Variants in PLAGL1 observed in about 807,000 individuals in gnomAD.
PLAGL1 encodes PLAG1 like zinc finger 1, also known as zinc finger protein PLAGL1.
Under a neutral mutation model 4.6 loss-of-function variants are expected in PLAGL1, and 1 was observed. The ratio of observed to expected loss-of-function variants is 0.22; its 90% CI spans 0.08 to 1.03. PLAGL1 has a LOEUF of 1.03. Ranked by LOEUF, PLAGL1 falls within the 50% of genes least tolerant of loss-of-function variation. The pLI is 0.58. For missense variants in PLAGL1, 464 were observed against 570.4 expected, an observed-to-expected ratio of 0.81 and a Z score of 1.90; for synonymous variants, 240 against 237.8, an observed-to-expected ratio of 1.01 and a Z score of -0.08.
chr6:144,031,297 G>A (rs1338697779), intron 1 of PLAGL1, among the ~76,000 whole-genome samples: 2 of 152,178 alleles, frequency 1.3e-5, no homozygotes, highest in African/African-American at 4.8e-5. Flanking sequence ...CACTCTGTGG[G>A]TTGTCTGTCA....
intron 1 of PLAGL1, among the ~76,000 whole-genome samples, chr6:144,046,394 T>C (rs1221166437): frequency 1.3e-5 from 2 of 152,232 alleles, no homozygotes; most frequent in Admixed American, 6.5e-5. Context: ...TTTGTTAATG[T>C]TGATACTATT....
intron 1 of PLAGL1, among the ~76,000 whole-genome samples, chr6:144,002,513 TAAAAACAAAAAC>T (rs753500510): frequency 2.0e-5 from 3 of 151,970 alleles, no homozygotes; most frequent in African/African-American, 7.2e-5. Flanking sequence ...GACAGCACAT[TAAAAACAAAAAC>T]AAAAACAAAA....
rs1323640518 is a variant in PLAGL1, at chr6:144,022,751, C to T, written c.-151+41717G>A. ...TCTTCCACCATGATTGTGAGGCCTC[C>T]CCAGCCATGTGGAACTGTGAGTCAA... On this transcript the variant is annotated intron_variant, in intron 1 of 3. Coordinates refer to the PLAGL1 transcript ENST00000437412. The surrounding 1 kb of genome is among the most constrained non-coding windows in gnomAD (Gnocchi z 4.2). Among the ~76,000 whole-genome samples, 1 of 152,136 alleles carries T rather than the reference C, an allele frequency of 6.6e-6. No individual in the cohort carries two copies. Among genetic ancestry groups the T allele is most frequent in the African/African-American group, 2.4e-5 (1 of 41,426 alleles).
Position 143,957,677 on chromosome 6 carries a change from A to G in PLAGL1, c.-325+2792T>C, listed in dbSNP as rs114010562. ...CATTGAGAAGAGAAATGTGAAAAGC[A>G]TATTAGTTACATTGACCATGGGATG... On this transcript the variant is annotated intron_variant, in intron 6 of 7. Coordinates refer to ENST00000674357, the MANE Select transcript of PLAGL1 (RefSeq NM_001317162.2). The surrounding 1 kb of genome is among the most constrained non-coding windows in gnomAD (Gnocchi z 4.2). Among the ~76,000 whole-genome samples the G allele has an allele frequency of 4.3e-3, 660 of 152,356 alleles. 8 individuals carry two copies. Among genetic ancestry groups the G allele is most frequent in the African/African-American group, 0.015 (627 of 41,582 alleles).
Position 143,954,561 on chromosome 6 carries a change from CATTCATTGACTAAATGGTT to C in PLAGL1, c.-325+5889_-325+5907del, listed in dbSNP as rs1781735334. Among the ~76,000 whole-genome samples, 1 of 152,162 alleles carries C rather than the reference CATTCATTGACTAAATGGTT, an allele frequency of 6.6e-6. No homozygotes were observed. The highest frequency in any genetic ancestry group is 6.5e-5 in the Admixed American group (1 of 15,270). On this transcript the variant is annotated intron_variant, in intron 6 of 7. Coordinates refer to ENST00000674357, the MANE Select transcript of PLAGL1 (RefSeq NM_001317162.2). The surrounding 1 kb of genome is among the most constrained non-coding windows in gnomAD (Gnocchi z 5.1). ...TCAGCTAATATAATCCAGAGACTAA[CATTCATTGACTAAATGGTT>C]AAAATATGTATCATTTCACCAAGAA...
rs1784440223 is a variant in PLAGL1, at chr6:143,966,460, G to A, written c.-471-262C>T. The A allele has an allele frequency of 6.6e-6, 1 of 152,172 alleles. No individual in the cohort carries two copies. Among genetic ancestry groups the A allele is most frequent in the Non-Finnish European group, 1.5e-5 (1 of 68,024 alleles). 9.4% of individuals were successfully genotyped at this position (152,172 alleles called of 1,614,324 possible). A position where few individuals can be genotyped will look rare whatever the true frequency, so the allele number is the denominator to read the frequency against. ...AGTTCAGTATAAAACTGTTCACAGA[G>A]CATTCTAAATCTTCCCTGACTCAGC... On this transcript the variant is annotated intron_variant, in intron 3 of 7. Transcript: ENST00000674357. The surrounding 1 kb of genome is among the most constrained non-coding windows in gnomAD (Gnocchi z 6.0).
At chr6:143,946,389 TG>T (rs1249880895) in intron 7 of PLAGL1, among the ~76,000 whole-genome samples, 4 of 152,206 alleles carry the variant, frequency 2.6e-5, no homozygotes, top group African/African-American at 9.7e-5. Context: ...CTCTCATGTT[TG>T]GGTAAGGACG....
At chr6:144,020,845 T>A (rs1562580634) in intron 1 of PLAGL1, among the ~76,000 whole-genome samples, 1 of 145,860 alleles carries the variant, frequency 6.9e-6, no homozygotes, top group African/African-American at 2.5e-5. Context: ...ATAATATATA[T>A]AAAATATAAT....
At chr6:144,023,385 A>T (rs1385720044) in intron 1 of PLAGL1, among the ~76,000 whole-genome samples, 3 of 152,212 alleles carry the variant, frequency 2.0e-5, no homozygotes, top group Non-Finnish European at 4.4e-5. Context: ...ACCTTACCAT[A>T]TGCAAATCCC....
At chr6:144,014,455 G>A (rs1020192987) in intron 1 of PLAGL1, among the ~76,000 whole-genome samples, 9 of 151,964 alleles carry the variant, frequency 5.9e-5, no homozygotes, top group African/African-American at 2.2e-4. Flanking sequence ...AAAAAAGACA[G>A]TCGGGTACTG....
chr6:144,060,273 T>A (rs1408854779), intron 1 of PLAGL1, among the ~76,000 whole-genome samples: 1 of 152,166 alleles, frequency 6.6e-6, no homozygotes, highest in Non-Finnish European at 1.5e-5. Context: ...GGTCTCAAAC[T>A]CTTGGGCTCA....
chr6:144,031,692 C>A (rs149270863), intron 1 of PLAGL1, among the ~76,000 whole-genome samples: 1 of 152,172 alleles, frequency 6.6e-6, no homozygotes, highest in African/African-American at 2.4e-5. Flanking sequence ...GTTCTCTAGT[C>A]TTTTCCATTG....
chr6:144,036,804 G>A lies in PLAGL1; in HGVS notation c.-151+27664C>T. The stretch of plus-strand genomic sequence containing the variant: ...GGCAGACCTGCTAAATGCCCATTAT[G>A]ACACTATTTGACTAAACAGGTTTGA... On this transcript the variant is annotated intron_variant, in intron 1 of 3. Transcript: ENST00000437412. This position sits in a 1 kb window ranked among gnomAD's most constrained non-coding sequence, Gnocchi z 5.1. 3.0e-6 allele frequency: 1 copy of A among 332,358 alleles called. No homozygotes were observed. Among genetic ancestry groups the A allele is most frequent in the South Asian group, 2.5e-5 (1 of 40,214 alleles). The allele number at this position is 332,358 out of a possible 1,614,324, so 20.6% of individuals were successfully genotyped here.
rs1377239440 is a variant in PLAGL1, at chr6:143,963,439, A to G, written c.-399+1348T>C. On this transcript the variant is annotated intron_variant, in intron 5 of 7. Transcript: ENST00000674357. The surrounding 1 kb of genome is among the most constrained non-coding windows in gnomAD (Gnocchi z 6.1). ...TTCTAGCTAATGGCACCGCTATGCA[A>G]TAGCCATCAGAGCTCCCGGATCCTC... Among the ~76,000 whole-genome samples the G allele has an allele frequency of 6.6e-6, 1 of 152,204 alleles. No individual in the cohort carries two copies.
intron 1 of PLAGL1, among the ~76,000 whole-genome samples, chr6:144,060,051 C>T (rs1256010884): frequency 6.6e-6 from 1 of 151,652 alleles, no homozygotes; most frequent in Admixed American, 6.6e-5. Context: ...AGTTGTGCCA[C>T]ACCATTTTTT....
At position 143,970,905 on chromosome 6, in the gene PLAGL1, T is replaced by C. The variant is rs1785298245; in HGVS notation, c.-543-1927A>G. Among the ~76,000 whole-genome samples, 1 of 152,222 alleles carries C rather than the reference T, an allele frequency of 6.6e-6. No homozygotes were observed. Among genetic ancestry groups the C allele is most frequent in the African/African-American group, 2.4e-5 (1 of 41,462 alleles). On this transcript the variant is annotated intron_variant, in intron 2 of 7. Coordinates refer to ENST00000674357, the MANE Select transcript of PLAGL1 (RefSeq NM_001317162.2). The surrounding 1 kb of genome is among the most constrained non-coding windows in gnomAD (Gnocchi z 5.8). ...CCCTGGCCTGTCTGTAGTTCTTTTT[T>C]ATTAATGTAGACAAAGATATGCCTC...
At chr6:144,019,387 G>A (rs1795808311) in intron 1 of PLAGL1, among the ~76,000 whole-genome samples, 1 of 151,930 alleles carries the variant, frequency 6.6e-6, no homozygotes, top group Non-Finnish European at 1.5e-5. Flanking sequence ...CAGGATAGTT[G>A]CTCAAACCTG....
chr6:143,988,114 C>T (rs1234154971), intron 1 of PLAGL1, among the ~76,000 whole-genome samples: 2 of 152,146 alleles, frequency 1.3e-5, no homozygotes, highest in Non-Finnish European at 2.9e-5. Context: ...TAAGTAATAA[C>T]GATTATGCCT....
chr6:143,944,326 T>C (rs192748265), intron 7 of PLAGL1, among the ~76,000 whole-genome samples: 4 of 152,260 alleles, frequency 2.6e-5, no homozygotes, highest in Admixed American at 2.0e-4. Context: ...ATAGCAGCCG[T>C]TGAGTGGAGG....
Sources: gnomAD v4.1 joint callset for allele counts (sites outside exome capture counted in the v4.1 genomes callset) on GRCh38, gnomAD v4.1.1 for gene constraint, Gnocchi (gnomAD v3.1) non-coding constraint, MANE v1.5 for transcripts, NCBI Gene and HGNC (gene_info 2026-07-23, HGNC 2026-07-21) for gene names.